The following GABRB1 variants were observed in gnomAD, a reference collection of about 807,000 sequenced individuals.
GABRB1 encodes the protein gamma-aminobutyric acid receptor subunit beta-1.
Under a neutral mutation model 51.6 loss-of-function variants are expected in GABRB1, and 17 were observed. That is an observed-to-expected ratio of 0.33 (90% confidence interval 0.23 to 0.49). The LOEUF (loss-of-function observed/expected upper bound fraction) is 0.49. GABRB1 is among the 20% of genes least tolerant of loss of function. The pLI, the probability that GABRB1 is intolerant of heterozygous loss-of-function variation, is 0.99. For synonymous variants in GABRB1, 247 were observed against 218.9 expected, an observed-to-expected ratio of 1.13 and a Z score of -1.14; for missense variants, 410 against 600.6, an observed-to-expected ratio of 0.68 and a Z score of 3.32.
intron 8 of GABRB1, among the ~76,000 whole-genome samples, chr4:47,408,873 A>T (rs374701615): frequency 1.8e-4 from 27 of 152,342 alleles, no homozygotes; most frequent in African/African-American, 5.8e-4. Context: ...TACCCAAAAA[A>T]GGTGGAATAG....
At chr4:47,192,147 A>T (rs1560578701) in intron 4 of GABRB1, among the ~76,000 whole-genome samples, 3 of 152,056 alleles carry the variant, frequency 2.0e-5, no homozygotes, top group Non-Finnish European at 4.4e-5. Context: ...ATGGAATCGT[A>T]CATTTGGGGA....
At chr4:47,010,121 A>G (rs979896553) in intron 1 of GABRB1, among the ~76,000 whole-genome samples, 4 of 152,154 alleles carry the variant, frequency 2.6e-5, no homozygotes, top group Non-Finnish European at 4.4e-5. Flanking sequence ...TTTGGTGCAT[A>G]CTCAAGGAAG....
At chr4:47,045,442 TATCATCATC>T (rs36118087) in intron 3 of GABRB1, among the ~76,000 whole-genome samples, 75,361 of 149,192 alleles carry the variant, frequency 0.51, 19,265 homozygotes, top group African/African-American at 0.54. Context: ...TATTCTCCTT[TATCATCATC>T]ATCATCATCA....
At chr4:47,107,779 T>A (rs1312899122) in intron 3 of GABRB1, among the ~76,000 whole-genome samples, 3 of 152,044 alleles carry the variant, frequency 2.0e-5, no homozygotes, top group African/African-American at 7.2e-5. Flanking sequence ...AGTTGCTCTT[T>A]ATCAGCAATT....
chr4:47,422,482 A>G (rs1729120284), intron 8 of GABRB1, among the ~76,000 whole-genome samples: 1 of 152,160 alleles, frequency 6.6e-6, no homozygotes, highest in South Asian at 2.1e-4. Context: ...TAAGACCGCA[A>G]ATGGCCTTAT....
chr4:47,070,278 C>T (rs1391529190), intron 3 of GABRB1, among the ~76,000 whole-genome samples: 1 of 152,138 alleles, frequency 6.6e-6, no homozygotes, highest in African/African-American at 2.4e-5. Context: ...TCGTGAGATC[C>T]ACCTGCCTTG....
chr4:47,205,790 A>C (rs1720093227), intron 4 of GABRB1, among the ~76,000 whole-genome samples: 1 of 152,104 alleles, frequency 6.6e-6, no homozygotes, highest in African/African-American at 2.4e-5. Flanking sequence ...AGGGAAGGAA[A>C]TATCTTTGTG....
At chr4:47,410,605 G>A (rs780852145) in intron 8 of GABRB1, among the ~76,000 whole-genome samples, 9 of 152,136 alleles carry the variant, frequency 5.9e-5, no homozygotes, top group Non-Finnish European at 1.0e-4. Context: ...ACAGAAACTC[G>A]ACACCTGAGT....
intron 1 of GABRB1, among the ~76,000 whole-genome samples, chr4:47,005,874 T>G (rs1380714819): frequency 2.0e-5 from 3 of 149,078 alleles, no homozygotes; most frequent in Non-Finnish European, 4.4e-5. Context: ...ACTTTCAGGA[T>G]TTTAATCTTT....
At chr4:47,284,782 C>T (rs1186813252) in intron 4 of GABRB1, among the ~76,000 whole-genome samples, 3 of 152,170 alleles carry the variant, frequency 2.0e-5, no homozygotes, top group African/African-American at 7.2e-5. Context: ...ACAAAACAAA[C>T]AGTTTCATAA....
chr4:47,106,339 A>C (rs372642443), intron 3 of GABRB1, among the ~76,000 whole-genome samples: 55 of 152,130 alleles, frequency 3.6e-4, no homozygotes, highest in African/African-American at 1.2e-3. Flanking sequence ...GCAGGGTAGG[A>C]ATTTCTAGAG....
At chr4:47,177,323 C>A (rs765432169) in intron 4 of GABRB1, among the ~76,000 whole-genome samples, 1 of 151,806 alleles carries the variant, frequency 6.6e-6, no homozygotes, top group African/African-American at 2.4e-5. Flanking sequence ...TTTGAGAAAC[C>A]TGGGGGTAAA....
At chr4:47,141,623 A>G (rs1320620496) in intron 3 of GABRB1, among the ~76,000 whole-genome samples, 1 of 151,852 alleles carries the variant, frequency 6.6e-6, no homozygotes, top group Non-Finnish European at 1.5e-5. Flanking sequence ...ATGAAGTTGT[A>G]TGTCTTTTTT....
chr4:46,993,839 G>A (rs1409388927), exon 1 of GABRB1: 1 of 205,852 alleles, frequency 4.9e-6, no homozygotes, highest in East Asian at 1.5e-4. Flanking sequence ...TGGGCTCCCC[G>A]CCCACAGCAG....
At chr4:47,041,073 G>T (rs1725816810) in intron 3 of GABRB1, among the ~76,000 whole-genome samples, 1 of 152,102 alleles carries the variant, frequency 6.6e-6, no homozygotes, top group Non-Finnish European at 1.5e-5. Flanking sequence ...ATGTGAGATT[G>T]CATGAAAGCA....
At chr4:47,321,103 C>A (rs1306148798) in intron 5 of GABRB1, among the ~76,000 whole-genome samples, 1 of 152,126 alleles carries the variant, frequency 6.6e-6, no homozygotes, top group Non-Finnish European at 1.5e-5. Flanking sequence ...ATTGTGAATA[C>A]CAAAGCTAAG....
intron 4 of GABRB1, among the ~76,000 whole-genome samples, chr4:47,280,336 T>G (rs1435218142): frequency 6.6e-5 from 10 of 151,940 alleles, no homozygotes; most frequent in Non-Finnish European, 1.2e-4. Context: ...TTATAATTTG[T>G]GTCCCTTAAA....
chr4:47,273,928 CTATG>C (rs1722973900), intron 4 of GABRB1, among the ~76,000 whole-genome samples: 1 of 151,012 alleles, frequency 6.6e-6, no homozygotes, highest in Admixed American at 6.6e-5. Flanking sequence ...TTCTCTCTTC[CTATG>C]TGTGTATATG....
Position 47,094,229 on chromosome 4 carries a change from C to CTT in GABRB1, c.240+61760_240+61761dup, listed in dbSNP as rs35279182. Among the ~76,000 whole-genome samples, 424 of 126,604 alleles carry CTT rather than the reference C, an allele frequency of 3.3e-3. 7 individuals are homozygous for CTT. The highest frequency in any genetic ancestry group is 8.9e-3 in the African/African-American group (300 of 33,848). 83.1% of individuals were successfully genotyped at this position (126,604 alleles called of 152,430 possible). On this transcript the variant is annotated intron_variant, in intron 3 of 8. Transcript: ENST00000295454. ...TTAATTTTTTCTTTTTCTTTTTTCT[C>CTT]TTTTTTTTTTTTTTTTGACAGAGTC...
Sources: allele counts gnomAD v4.1 joint callset (sites outside exome capture counted in the v4.1 genomes callset), GRCh38; gene constraint gnomAD v4.1.1; transcripts MANE v1.5; gene names NCBI Gene and HGNC (gene_info 2026-07-23, HGNC 2026-07-21).